The following ST3GAL2 variants were observed in gnomAD, a reference collection of about 807,000 sequenced individuals.
The protein encoded by ST3GAL2 is ST3 beta-galactoside alpha-2,3-sialyltransferase 2.
Under a neutral mutation model 37.5 loss-of-function variants are expected in ST3GAL2, and 16 were observed. The ratio of observed to expected loss-of-function variants is 0.43; its 90% CI spans 0.29 to 0.65. ST3GAL2 has a LOEUF of 0.65. ST3GAL2 is among the 30% of genes least tolerant of loss of function. The pLI, the probability that ST3GAL2 is intolerant of heterozygous loss-of-function variation, is 0.17. For synonymous variants in ST3GAL2, 238 were observed against 202.9 expected (o/e 1.17, Z -1.47); for missense variants, 383 against 487.8 (o/e 0.79, Z 2.02).
intron 1 of ST3GAL2, among the ~76,000 whole-genome samples, chr16:70,432,608 G>T (rs2047798771): frequency 6.6e-6 from 1 of 152,218 alleles, no homozygotes; most frequent in South Asian, 2.1e-4. Context: ...TGATGAGCAT[G>T]GCATAACTGG....
chr16:70,381,637 C>A lies in ST3GAL2; in HGVS notation c.*52G>T, dbSNP rs1013809318. 3 of 1,590,512 alleles carry A rather than the reference C, an allele frequency of 1.9e-6. No homozygotes were observed. Among genetic ancestry groups the A allele is most frequent in the Middle Eastern group, 3.6e-4 (2 of 5,526 alleles). On this transcript the variant is annotated 3_prime_UTR_variant, in exon 7 of 7. Transcript: ENST00000342907. ...GGGTTGCTGGTCCTGGGTCCCGGGC[C>A]GGAGCCCCGGTGCCCGATAGATGGG...
intron 1 of ST3GAL2, among the ~76,000 whole-genome samples, chr16:70,416,715 CT>C (rs2047679023): frequency 6.6e-6 from 1 of 150,802 alleles, no homozygotes; most frequent in African/African-American, 2.5e-5. Flanking sequence ...GAAGTGAGAG[CT>C]TTCTCTAACT....
chr16:70,381,460 G>C lies in ST3GAL2; in HGVS notation c.*229C>G. 1.7e-6 allele frequency: 1 copy of C among 578,426 alleles called. No homozygotes were observed. Among genetic ancestry groups the C allele is most frequent in the Non-Finnish European group, 3.0e-6 (1 of 328,956 alleles). The allele number at this position is 578,426 out of a possible 1,614,324, so 35.8% of individuals were successfully genotyped here. On this transcript the variant is annotated 3_prime_UTR_variant, in exon 7 of 7. Transcript: ENST00000342907. ...TTGATTGGAGGAGACTGGACACAGC[G>C]CCGGAAGTTTTCCTTGAGTCACATG...
At chr16:70,393,802 T>C (rs2047497755) in intron 3 of ST3GAL2, 1 of 152,272 alleles carries the variant, frequency 6.6e-6, no homozygotes, top group African/African-American at 2.4e-5. Flanking sequence ...TTACATGGAA[T>C]GCTGAATGCC....
chr16:70,422,880 C>T (rs1015083151), intron 1 of ST3GAL2: 1 of 152,230 alleles, frequency 6.6e-6, no homozygotes, highest in Admixed American at 6.5e-5. Context: ...AATACCTGTC[C>T]CCTCACAAAC....
In ST3GAL2 at chr16:70,391,901, G is replaced by A. The variant is rs563241670; in HGVS notation, c.533+3081C>T. Among the ~76,000 whole-genome samples the A allele has an allele frequency of 4.8e-4, 73 of 152,282 alleles. 2 individuals carry two copies. The South Asian group carries it at 0.015, about 31-fold the overall frequency. Reference sequence around the variant, plus strand: ...TGGGATTACAGGCGTGAGCCACTGCGCCCAGCCAAGGTGTACACTTGACCT... The same window carrying A: ...TGGGATTACAGGCGTGAGCCACTGCACCCAGCCAAGGTGTACACTTGACCT... On this transcript the variant is annotated intron_variant, in intron 3 of 6. Coordinates refer to ENST00000342907, the MANE Select transcript of ST3GAL2 (RefSeq NM_006927.4).
intron 1 of ST3GAL2, among the ~76,000 whole-genome samples, chr16:70,415,759 ATTCTT>A (rs1461588213): frequency 7.7e-6 from 1 of 129,644 alleles, no homozygotes; most frequent in East Asian, 2.3e-4. Flanking sequence ...AGCTTCCAAG[ATTCTT>A]TTTTTTTTTT....
In ST3GAL2 at chr16:70,388,650, A is replaced by G; in HGVS notation, c.534-104T>C. ...ATCCATCAAAAATGCAAACGGGTGT[A>G]TACTCCAACCTAGCAATTCCATTGC... On this transcript the variant is annotated intron_variant, in intron 3 of 6. Coordinates refer to ENST00000342907, the MANE Select transcript of ST3GAL2 (RefSeq NM_006927.4). The G allele has an allele frequency of 3.9e-6, 5 of 1,294,466 alleles. No individual in the cohort carries two copies. The South Asian group carries it at 7.5e-5, about 19-fold the overall frequency. The allele number at this position is 1,294,466 out of a possible 1,614,324, so 80.2% of individuals were successfully genotyped here.
At chr16:70,422,029 G>C (rs950284354) in intron 1 of ST3GAL2, among the ~76,000 whole-genome samples, 59 of 152,288 alleles carry the variant, frequency 3.9e-4, no homozygotes, top group Middle Eastern at 3.4e-3. Flanking sequence ...GCCCCCGAAA[G>C]TGCTGGAATT....
intron 1 of ST3GAL2, among the ~76,000 whole-genome samples, chr16:70,431,986 T>TA (rs5817697): frequency 0.086 from 11,489 of 133,674 alleles, 1,486 homozygotes; most frequent in African/African-American, 0.4. Context: ...TATATATATA[T>TA]TTTTTTTTAA....
At chr16:70,410,875 C>T (rs1466789700) in intron 1 of ST3GAL2, among the ~76,000 whole-genome samples, 1 of 147,002 alleles carries the variant, frequency 6.8e-6, no homozygotes, top group East Asian at 2.0e-4. Flanking sequence ...TGTCTACCAG[C>T]GGCCACTCTC....
intron 1 of ST3GAL2, among the ~76,000 whole-genome samples, chr16:70,433,653 G>T (rs1156409801): frequency 1.3e-5 from 2 of 152,134 alleles, no homozygotes; most frequent in African/African-American, 4.8e-5. Flanking sequence ...ATGCATCCTG[G>T]CAACAGCGGT....
chr16:70,408,885 A>G (rs1409154352), intron 1 of ST3GAL2, among the ~76,000 whole-genome samples: 6 of 124,782 alleles, frequency 4.8e-5, no homozygotes, highest in African/African-American at 1.6e-4. Flanking sequence ...GACAGCTCAA[A>G]GAAACAAAAA....
intron 4 of ST3GAL2, among the ~76,000 whole-genome samples, chr16:70,387,622 A>C (rs1213420276): frequency 1.3e-5 from 2 of 152,230 alleles, no homozygotes; most frequent in Non-Finnish European, 2.9e-5. Flanking sequence ...TGAATATATA[A>C]GAAGTTACTG....
At position 70,379,835 on chromosome 16, in the gene ST3GAL2, T is replaced by C. The variant is rs1410972130; in HGVS notation, c.*1854A>G. ...TTGGTAGAGACGAGGTTTCACCATA[T>C]TGGCCAGGCTGGTCTCGAACTCCTG... is the stretch of plus-strand genomic sequence containing the variant. On this transcript the variant is annotated 3_prime_UTR_variant, in exon 7 of 7. Coordinates refer to ENST00000342907, the MANE Select transcript of ST3GAL2 (RefSeq NM_006927.4). The C allele has an allele frequency of 6.6e-6, 1 of 151,748 alleles. No individual in the cohort carries two copies. Among genetic ancestry groups the C allele is most frequent in the Non-Finnish European group, 1.5e-5 (1 of 67,952 alleles). 9.4% of individuals were successfully genotyped at this position (151,748 alleles called of 1,614,324 possible). A position where few individuals can be genotyped will look rare whatever the true frequency, so the allele number is the denominator to read the frequency against.
chr16:70,419,269 GC>G lies in ST3GAL2; in HGVS notation c.-1004+19679del, dbSNP rs1427042975. On this transcript the variant is annotated intron_variant, in intron 1 of 6. Transcript: ENST00000342907. ...GAGGAGATATGCTCCAGAACTTCAG[GC>G]CACAGTCTTTGCGGCCCAGAGTTGA... Among the ~76,000 whole-genome samples, 3 of 152,310 alleles carry G rather than the reference GC, an allele frequency of 2.0e-5. No homozygotes were observed. In the East Asian group the frequency reaches 5.8e-4, roughly 29 times the overall value.
At chr16:70,428,888 G>C (rs2047769421) in intron 1 of ST3GAL2, among the ~76,000 whole-genome samples, 1 of 152,204 alleles carries the variant, frequency 6.6e-6, no homozygotes, top group African/African-American at 2.4e-5. Context: ...CCTGGCTAGA[G>C]CAGAGCACAG....
chr16:70,420,342 G>A (rs2047706656), intron 1 of ST3GAL2, among the ~76,000 whole-genome samples: 1 of 151,164 alleles, frequency 6.6e-6, no homozygotes, highest in African/African-American at 2.5e-5. Flanking sequence ...ACTCCTAAAA[G>A]GTCCAGTCAC....
chr16:70,410,018 T>C (rs1002130942), intron 1 of ST3GAL2, among the ~76,000 whole-genome samples: 1 of 151,492 alleles, frequency 6.6e-6, no homozygotes, highest in African/African-American at 2.4e-5. Context: ...CCTCCCAACG[T>C]GGCCTCCCAA....
Sources: gnomAD v4.1 joint callset for allele counts (sites outside exome capture counted in the v4.1 genomes callset) on GRCh38, gnomAD v4.1.1 for gene constraint, MANE v1.5 for transcripts, NCBI Gene and HGNC (gene_info 2026-07-23, HGNC 2026-07-21) for gene names.